The following IL1RAPL2 variants were observed in gnomAD, a reference collection of about 807,000 sequenced individuals.
IL1RAPL2 encodes interleukin 1 receptor accessory protein like 2.
In IL1RAPL2, 3 loss-of-function variants were observed where a neutral mutation model predicts 44.1. The ratio of observed to expected loss-of-function variants is 0.07; its 90% confidence interval spans 0.03 to 0.18. The LOEUF (loss-of-function observed/expected upper bound fraction) is 0.18. Ranked by LOEUF, IL1RAPL2 falls within the 10% of genes least tolerant of loss-of-function variation. IL1RAPL2 has a pLI of 1.00. For missense variants in IL1RAPL2, 391 were observed against 496.4 expected, an observed-to-expected ratio of 0.79 and a Z score of 2.02; for synonymous variants, 181 against 178.8, an observed-to-expected ratio of 1.01 and a Z score of -0.10.
chrX:105,185,967 T>G (rs2147607740), intron 2 of IL1RAPL2, among the ~76,000 whole-genome samples: 1 of 111,608 alleles, frequency 9.0e-6, no homozygotes, highest in African/African-American at 3.3e-5. Flanking sequence ...TCAAAAATAT[T>G]AAAAACAATA....
chrX:104,646,139 T>C (rs1930035467), intron 1 of IL1RAPL2, among the ~76,000 whole-genome samples: 1 of 112,022 alleles, frequency 8.9e-6, no homozygotes, highest in African/African-American at 3.2e-5. Context: ...GGAGAGTTAA[T>C]AAAATGAATA....
intron 2 of IL1RAPL2, among the ~76,000 whole-genome samples, chrX:104,869,886 G>T (rs780514450): frequency 8.9e-6 from 1 of 111,781 alleles, no homozygotes; most frequent in South Asian, 3.8e-4. Flanking sequence ...CCACCACCAC[G>T]CTGGTGCACA....
chrX:105,279,701 A>T (rs1321458098), intron 5 of IL1RAPL2, among the ~76,000 whole-genome samples: 1 of 111,574 alleles, frequency 9.0e-6, no homozygotes, highest in Non-Finnish European at 1.9e-5. Flanking sequence ...GATGGTCTCG[A>T]TCTCTTGACC....
chrX:105,135,885 A>T (rs1283160465), intron 2 of IL1RAPL2, among the ~76,000 whole-genome samples: 1 of 111,750 alleles, frequency 8.9e-6, no homozygotes, highest in African/African-American at 3.2e-5. Flanking sequence ...CTTCTGCTCT[A>T]CTGAAACCTT....
intron 6 of IL1RAPL2, among the ~76,000 whole-genome samples, chrX:105,515,528 CAACT>C (rs958050852): frequency 4.5e-5 from 5 of 109,950 alleles, no homozygotes; most frequent in Non-Finnish European, 9.5e-5. Flanking sequence ...AAAAATTTAC[CAACT>C]GTCAGGTCAG....
rs1230530329 is a variant in IL1RAPL2 at position 104,989,902 on chromosome X, A to T, written c.83-205573A>T. Among the ~76,000 whole-genome samples the T allele has an allele frequency of 5.4e-5, 6 of 111,694 alleles. No homozygotes were observed. In the East Asian group the frequency reaches 1.7e-3, roughly 31 times the overall value. On this transcript the variant is annotated intron_variant, in intron 2 of 10. Transcript: ENST00000372582. The stretch of plus-strand genomic sequence containing the variant: ...GTAAAAAATCAGATTCCACTGCCAT[A>T]CTTTTCTATTTTCTTGTTTCTTCCT...
intron 2 of IL1RAPL2, among the ~76,000 whole-genome samples, chrX:105,148,278 TC>T (rs1388685852): frequency 2.7e-5 from 3 of 111,506 alleles, no homozygotes; most frequent in Non-Finnish European, 5.6e-5. Flanking sequence ...TTCTATATTC[TC>T]AGGAGCCTGT....
intron 2 of IL1RAPL2, among the ~76,000 whole-genome samples, chrX:104,959,119 C>T: frequency 9.1e-6 from 1 of 110,486 alleles, no homozygotes; most frequent in East Asian, 2.8e-4. Context: ...GATGAAGAAT[C>T]ATCTTTTTTT....
intron 2 of IL1RAPL2, among the ~76,000 whole-genome samples, chrX:104,983,563 ATAT>A (rs1409932103): frequency 1.7e-5 from 1 of 57,919 alleles, no homozygotes; most frequent in South Asian, 6.4e-4. Context: ...GACATATTAT[ATAT>A]TATATTATAG....
intron 2 of IL1RAPL2, among the ~76,000 whole-genome samples, chrX:105,073,293 T>C (rs1446929658): frequency 2.0e-5 from 2 of 98,313 alleles, no homozygotes; most frequent in Non-Finnish European, 4.0e-5. Context: ...GAACATGCGG[T>C]GTTTGGTTTT....
intron 1 of IL1RAPL2, among the ~76,000 whole-genome samples, chrX:104,576,823 C>A (rs1928252305): frequency 8.9e-6 from 1 of 111,949 alleles, no homozygotes; most frequent in African/African-American, 3.2e-5. Context: ...CTAACCACCA[C>A]TTTCTCTGTT....
At chrX:105,326,589 T>C (rs777135639) in intron 5 of IL1RAPL2, among the ~76,000 whole-genome samples, 3 of 111,713 alleles carry the variant, frequency 2.7e-5, no homozygotes, top group Non-Finnish European at 5.6e-5. Context: ...GACTTGTGTA[T>C]GGTATCAGGT....
chrX:105,446,865 T>C (rs2035958610), intron 5 of IL1RAPL2, among the ~76,000 whole-genome samples: 1 of 105,938 alleles, frequency 9.4e-6, no homozygotes, highest in Non-Finnish European at 1.9e-5. Flanking sequence ...TGTTTTTCTG[T>C]GCATTTACTA....
At chrX:105,136,288 A>G (rs1424125151) in intron 2 of IL1RAPL2, among the ~76,000 whole-genome samples, 1 of 112,022 alleles carries the variant, frequency 8.9e-6, no homozygotes, top group African/African-American at 3.2e-5. Flanking sequence ...AACTGCTATT[A>G]TAAGACCCAG....
chrX:105,205,087 G>A (rs1416631650), intron 3 of IL1RAPL2, among the ~76,000 whole-genome samples: 2 of 110,812 alleles, frequency 1.8e-5, no homozygotes, highest in East Asian at 5.7e-4. Context: ...TGGTGAGAGT[G>A]AAGAAGGGTC....
At chrX:104,617,807 C>G (rs928508318) in intron 1 of IL1RAPL2, among the ~76,000 whole-genome samples, 3 of 111,322 alleles carry the variant, frequency 2.7e-5, no homozygotes, top group Non-Finnish European at 5.6e-5. Flanking sequence ...AGTGAGCTTC[C>G]TTACAATCCA....
At chrX:105,221,434 G>T (rs1202388103) in intron 3 of IL1RAPL2, among the ~76,000 whole-genome samples, 1 of 108,318 alleles carries the variant, frequency 9.2e-6, no homozygotes, top group Non-Finnish European at 1.9e-5. Context: ...AAAGAAAAAC[G>T]AGTCATGAAT....
chrX:105,058,889 C>A (rs2032035048), intron 2 of IL1RAPL2, among the ~76,000 whole-genome samples: 1 of 111,417 alleles, frequency 9.0e-6, no homozygotes, highest in South Asian at 3.8e-4. Context: ...ATCACAAAGG[C>A]AGTTTTTGTC....
chrX:104,942,667 C>G (rs1383320539), intron 2 of IL1RAPL2, among the ~76,000 whole-genome samples: 1 of 111,396 alleles, frequency 9.0e-6, no homozygotes, highest in Non-Finnish European at 1.9e-5. Flanking sequence ...TCCTCTTTTC[C>G]TAATTGAATA....
Sources: allele counts gnomAD v4.1 joint callset (sites outside exome capture counted in the v4.1 genomes callset), GRCh38; gene constraint gnomAD v4.1.1; transcripts MANE v1.5; gene names NCBI Gene and HGNC (gene_info 2026-07-23, HGNC 2026-07-21).